The following EHD1 variants were observed in gnomAD, a reference collection of about 807,000 sequenced individuals.
The protein encoded by EHD1 is EH domain containing 1.
EHD1 carries 19 observed loss-of-function variants against 39.0 expected under a neutral mutation model. That is an observed-to-expected ratio of 0.49 (90% CI 0.34 to 0.72). EHD1 has a LOEUF of 0.72. Among genes scored for constraint, EHD1 ranks in the 30% least tolerant of loss-of-function variants. The pLI is 0.01. For missense variants in EHD1, 542 were observed against 751.5 expected, an observed-to-expected ratio of 0.72 and a Z score of 3.26; for synonymous variants, 323 against 331.2, an observed-to-expected ratio of 0.98 and a Z score of 0.27.
chr11:64,870,590 T>C (rs1303885901), intron 2 of EHD1, among the ~76,000 whole-genome samples: 5 of 152,234 alleles, frequency 3.3e-5, no homozygotes, highest in Non-Finnish European at 5.9e-5. Flanking sequence ...ACAGCTTTCA[T>C]GGGGAGATTG....
intron 2 of EHD1, among the ~76,000 whole-genome samples, chr11:64,872,986 G>A (rs1943845984): frequency 6.6e-6 from 1 of 152,188 alleles, no homozygotes; most frequent in African/African-American, 2.4e-5. Flanking sequence ...CTTTGAGTTT[G>A]ATCTTATTTC....
chr11:64,869,918 C>G (rs577833443), intron 2 of EHD1, among the ~76,000 whole-genome samples: 1 of 152,262 alleles, frequency 6.6e-6, no homozygotes, highest in East Asian at 1.9e-4. Flanking sequence ...CCGGAGGGCT[C>G]AGGACACACA....
chr11:64,875,396 G>A (rs1040744250), intron 1 of EHD1, among the ~76,000 whole-genome samples: 1 of 152,034 alleles, frequency 6.6e-6, no homozygotes, highest in Non-Finnish European at 1.5e-5. Flanking sequence ...ACCCAAAATA[G>A]AAAAATTAGC....
Position 64,859,940 on chromosome 11 carries a change from C to T in EHD1, c.899G>A (p.Arg300Gln). ...AGGGTCTACCTTGGCCAGCCGTGCC[C>T]GCTTGATCAGGTCATTGAGCTTCCT... ...ALRKLNDLIK[R>Q]ARLAKVHAYI... Residue 300 changes from arginine (R) to glutamine (Q), a missense_variant, in exon 3 of 5, where the codon CGG becomes CAG. Coordinates refer to ENST00000320631, the MANE Select transcript of EHD1 (RefSeq NM_006795.4). The T allele has an allele frequency of 6.2e-7, 1 of 1,612,796 alleles. No homozygotes were observed.
At chr11:64,860,651 G>A (rs567718295) in intron 2 of EHD1, among the ~76,000 whole-genome samples, 13 of 151,412 alleles carry the variant, frequency 8.6e-5, no homozygotes, top group African/African-American at 2.7e-4. Flanking sequence ...CCCAGCAGGT[G>A]GAGGTTGTGG....
At chr11:64,861,185 C>CAAA (rs113324966) in intron 2 of EHD1, among the ~76,000 whole-genome samples, 3 of 125,456 alleles carry the variant, frequency 2.4e-5, no homozygotes, top group African/African-American at 3.0e-5. Context: ...GACTCCGTCT[C>CAAA]AAAAAAAAAA....
upstream of EHD1, chr11:64,878,933 C>T (rs917734009): frequency 3.1e-5 from 31 of 1,012,968 alleles, no homozygotes; most frequent in South Asian, 3.7e-4. Context: ...GGCCGCGCGC[C>T]TTCCGGCACC....
intron 2 of EHD1, among the ~76,000 whole-genome samples, chr11:64,867,732 A>G (rs558874163): frequency 1.4e-4 from 22 of 152,242 alleles, no homozygotes; most frequent in Admixed American, 5.9e-4. Flanking sequence ...CCGTACCCCC[A>G]CCTCCAAAAA....
chr11:64,879,671 C>CCCCTT, upstream of EHD1: 1 of 1,550,456 alleles, frequency 6.4e-7, no homozygotes, highest in Non-Finnish European at 8.7e-7. Context: ...CACACACAGA[C>CCCCTT]CCCTTTGGCT....
At chr11:64,854,897 G>T (rs1943632123) in intron 4 of EHD1, 40 bp from the exon 5 acceptor site, 9 of 1,579,542 alleles carry the variant, frequency 5.7e-6, no homozygotes, top group Non-Finnish European at 7.7e-6. Flanking sequence ...GGGAAGGGAG[G>T]CCCCTCCCAG....
intron 2 of EHD1, among the ~76,000 whole-genome samples, chr11:64,862,853 G>A (rs1943729384): frequency 6.6e-6 from 1 of 152,166 alleles, no homozygotes; most frequent in South Asian, 2.1e-4. Context: ...CAGCCTGGGC[G>A]ACAGAGCGAC....
intron 3 of EHD1, 33 bp downstream of exon 3, chr11:64,859,891 G>T: frequency 1.3e-6 from 2 of 1,583,668 alleles, no homozygotes; most frequent in Non-Finnish European, 1.7e-6. Flanking sequence ...GCCCTGCCTG[G>T]CAATAGGCTG....
Position 64,878,145 on chromosome 11 carries a change from C to A in EHD1, c.320G>T (p.Gly107Val), listed in dbSNP as rs1271251677. 1 of 1,586,350 alleles carries A rather than the reference C, an allele frequency of 6.3e-7. No homozygotes were observed. The highest frequency in any genetic ancestry group is 2.3e-5 in the East Asian group (1 of 44,178). Reference protein sequence around the residue: ...FIAVMHGPTEGVVPGNALVVD... With the variant: ...FIAVMHGPTEVVVPGNALVVD... Reference sequence around the variant, plus strand: ...CACGAGCGCGTTGCCCGGCACCACGCCCTCAGTGGGGCCGTGCATGACGGC... The same window carrying A: ...CACGAGCGCGTTGCCCGGCACCACGACCTCAGTGGGGCCGTGCATGACGGC... The change falls in exon 1 of 5, where the codon GGC becomes GTC. Residue 107 changes from glycine to valine, a missense_variant. Coordinates refer to ENST00000320631, the MANE Select transcript of EHD1 (RefSeq NM_006795.4).
At chr11:64,856,821 G>GT (rs1943658601) in intron 3 of EHD1, among the ~76,000 whole-genome samples, 2 of 152,230 alleles carry the variant, frequency 1.3e-5, no homozygotes, top group African/African-American at 4.8e-5. Context: ...AGGCAACACT[G>GT]GAGGCCACAG....
upstream of EHD1, chr11:64,879,221 G>A: frequency 1.8e-6 from 2 of 1,097,552 alleles, no homozygotes; most frequent in South Asian, 2.7e-5. Flanking sequence ...AGAGAATCCG[G>A]GGCGGGCTGG....
chr11:64,857,546 G>A (rs1425447787), intron 3 of EHD1, among the ~76,000 whole-genome samples: 1 of 152,236 alleles, frequency 6.6e-6, no homozygotes. Context: ...AGGCCAGAAT[G>A]AGAATTCCTC....
Position 64,866,526 on chromosome 11 carries a change from A to T in EHD1, c.503-6190T>A, listed in dbSNP as rs556165518. Among the ~76,000 whole-genome samples the T allele has an allele frequency of 8.5e-5, 13 of 152,060 alleles. No homozygotes were observed. The East Asian group carries it at 9.7e-4, about 11-fold the overall frequency. ...GCGAGACCCCCCTCTACAAAAATTT[A>T]AAAAAATTTGGGTGTGGTGGCATGC... On this transcript the variant is annotated intron_variant, in intron 2 of 4. Transcript: ENST00000320631.
upstream of EHD1, chr11:64,879,634 G>T (rs1426780549): frequency 6.4e-7 from 1 of 1,550,958 alleles, no homozygotes; most frequent in Admixed American, 2.0e-5. Flanking sequence ...GTTCCATGGG[G>T]CTCACTCCCC....
chr11:64,870,238 G>C (rs1331194015), intron 2 of EHD1, among the ~76,000 whole-genome samples: 1 of 152,080 alleles, frequency 6.6e-6, no homozygotes, highest in African/African-American at 2.4e-5. Flanking sequence ...ACCCAACAGG[G>C]GCAAAGGTCT....
Sources: gnomAD v4.1 joint callset for allele counts (sites outside exome capture counted in the v4.1 genomes callset) on GRCh38, gnomAD v4.1.1 for gene constraint, MANE v1.5 for transcripts, NCBI Gene and HGNC (gene_info 2026-07-23, HGNC 2026-07-21) for gene names.